Variants in STRA6 observed in about 807,000 individuals in gnomAD.
The protein encoded by STRA6 is receptor for retinol uptake STRA6.
STRA6 carries 48 observed loss-of-function variants against 83.6 expected under a neutral mutation model. The observed-to-expected ratio is 0.57, with a 90% CI of 0.46 to 0.73. The LOEUF (loss-of-function observed/expected upper bound fraction) is 0.73. Ranked by LOEUF, STRA6 falls within the 30% of genes least tolerant of loss-of-function variation. The probability of loss-of-function intolerance (pLI) is 0.00; values close to 1 mark genes in which losing one functional copy is unlikely to be tolerated. For synonymous variants in STRA6, 353 were observed against 362.3 expected (o/e 0.97, Z 0.29); for missense variants, 760 against 838.8 (o/e 0.91, Z 1.16).
intron 5 of STRA6, 51 bp downstream of exon 5, chr15:74,195,957 C>T: frequency 6.2e-7 from 1 of 1,611,412 alleles, no homozygotes; most frequent in Non-Finnish European, 8.5e-7. Context: ...CGAGACCCCA[C>T]CCTACCCCAT....
At chr15:74,202,021 G>T in intron 2 of STRA6, 134 bp downstream of exon 2, 1 of 1,119,262 alleles carries the variant, frequency 8.9e-7, no homozygotes, top group Non-Finnish European at 1.2e-6. Flanking sequence ...ACTTGCCCAA[G>T]GTCACACAGC....
At chr15:74,204,806 A>C (rs2074221837), upstream of STRA6, among the ~76,000 whole-genome samples, 1 of 152,124 alleles carries the variant, frequency 6.6e-6, no homozygotes. Flanking sequence ...GTGGTGGCGC[A>C]CACCTGTAAT....
chr15:74,182,535 C>G, intron 14 of STRA6, 75 bp from the exon 15 acceptor site: 1 of 1,295,858 alleles, frequency 7.7e-7, no homozygotes, highest in Non-Finnish European at 1.1e-6. Flanking sequence ...GCCCCCAGAA[C>G]CAAGGGCTTT....
intron 8 of STRA6, 76 bp from the exon 9 acceptor site, chr15:74,191,567 G>C: frequency 3.9e-6 from 5 of 1,291,490 alleles, no homozygotes; most frequent in Non-Finnish European, 4.5e-6. Flanking sequence ...CAGGGAACTA[G>C]AGTGTTCACC....
At chr15:74,189,371 C>T (rs1183287476) in intron 11 of STRA6, 94 bp from the exon 12 acceptor site, 1 of 1,514,050 alleles carries the variant, frequency 6.6e-7, no homozygotes, top group Admixed American at 2.0e-5. Context: ...GCACACAGGC[C>T]CCAGCCACAT....
chr15:74,207,260 C>T (rs934892973), upstream of STRA6, among the ~76,000 whole-genome samples: 1 of 152,294 alleles, frequency 6.6e-6, no homozygotes. Context: ...CCAGCAGCAT[C>T]CCCAGAACCT....
chr15:74,197,920 A>G, intron 2 of STRA6, 102 bp from the exon 3 acceptor site: 2 of 1,198,328 alleles, frequency 1.7e-6, no homozygotes, highest in Middle Eastern at 1.9e-4. Context: ...TTTACCCACT[A>G]CCTCCCTCAA....
chr15:74,189,016 A>G, intron 12 of STRA6, 99 bp downstream of exon 12: 6 of 1,433,584 alleles, frequency 4.2e-6, no homozygotes, highest in African/African-American at 1.4e-5. Flanking sequence ...AATGTGTCCA[A>G]GGGCCCCCAG....
chr15:74,182,404 C>T lies in STRA6; in HGVS notation c.1357G>A (p.Val453Met). Reference protein sequence around the residue: ...FLGTTALAFLVLMPVLHGRNL... With the variant: ...FLGTTALAFLMLMPVLHGRNL... ...CTGCCATGGAGCACAGGCATGAGCA[C>T]CAGGAAGGCCAGGGCCGTGGTTCCC... The change falls in exon 15 of 19, where the codon GTG becomes ATG. Residue 453 changes from valine (V) to methionine (M), a missense_variant. Coordinates refer to ENST00000395105, the MANE Select transcript of STRA6 (RefSeq NM_022369.4). 1.2e-6 allele frequency: 2 copies of T among 1,613,096 alleles called. No homozygotes were observed. Among genetic ancestry groups the T allele is most frequent in the Non-Finnish European group, 8.5e-7 (1 of 1,179,532 alleles).
rs778430773 is a variant in STRA6, at chr15:74,180,778, G to T, written c.1840+4C>A. Reference sequence around the variant, plus strand: ...ATTCCCCCATTCCCAGTGGGAGGGCGCACCTTCGTCTTCCTCCCCTGGTCT... The same window carrying T: ...ATTCCCCCATTCCCAGTGGGAGGGCTCACCTTCGTCTTCCTCCCCTGGTCT... On this transcript the variant is annotated splice_donor_region_variant and intron_variant, in intron 18 of 18. Coordinates refer to ENST00000395105, the MANE Select transcript of STRA6 (RefSeq NM_022369.4). 3.1e-6 allele frequency: 5 copies of T among 1,602,094 alleles called. No individual in the cohort carries two copies. Among genetic ancestry groups the T allele is most frequent in the South Asian group, 2.2e-5 (2 of 90,672 alleles).
rs2142085165 is a variant in STRA6 at position 74,202,168 on chromosome 15, G to A, written c.100C>T (p.Leu34Phe). Residue 34 changes from leucine to phenylalanine, a missense_variant, in exon 2 of 19, where the codon CTC becomes TTC. Coordinates refer to ENST00000395105, the MANE Select transcript of STRA6 (RefSeq NM_022369.4). ...YIDEPQGGEE[L>F]QPEGEVPSCH... Reference sequence around the variant, plus strand: ...TTCCACACTTACCCCTCTGGCTGGAGCTCCTCGCCCCCCTGGGGCTCATCG... The same window carrying A: ...TTCCACACTTACCCCTCTGGCTGGAACTCCTCGCCCCCCTGGGGCTCATCG... The A allele has an allele frequency of 2.0e-6, 3 of 1,505,598 alleles. No homozygotes were observed. The highest frequency in any genetic ancestry group is 2.3e-5 in the East Asian group (1 of 43,456). The allele number at this position is 1,505,598 out of a possible 1,614,324, so 93.3% of individuals were successfully genotyped here. A position where few individuals can be genotyped will look rare whatever the true frequency, so the allele number is the denominator to read the frequency against.
chr15:74,183,300 C>T, intron 14 of STRA6: 1 of 192,788 alleles, frequency 5.2e-6, no homozygotes, highest in Non-Finnish European at 1.1e-5. Context: ...AGCTGGAGCG[C>T]AGTGGTGCAA....
At chr15:74,200,888 A>T (rs1595862427) in intron 2 of STRA6, among the ~76,000 whole-genome samples, 1 of 152,190 alleles carries the variant, frequency 6.6e-6, no homozygotes, top group Admixed American at 6.5e-5. Flanking sequence ...ATTTACAGGC[A>T]CCTGGCCCCC....
chr15:74,200,679 T>C (rs988022124), intron 2 of STRA6, among the ~76,000 whole-genome samples: 4 of 152,310 alleles, frequency 2.6e-5, no homozygotes, highest in Non-Finnish European at 4.4e-5. Flanking sequence ...GGCAGGGGGA[T>C]GGCAGGCAGC....
intron 7 of STRA6, among the ~76,000 whole-genome samples, chr15:74,194,198 C>T (rs1314196732): frequency 6.6e-6 from 1 of 152,102 alleles, no homozygotes; most frequent in Non-Finnish European, 1.5e-5. Context: ...TTCCCTCCTG[C>T]CCCCCACTGG....
chr15:74,203,705 C>T (rs1047148009), upstream of STRA6, among the ~76,000 whole-genome samples: 8 of 152,208 alleles, frequency 5.3e-5, no homozygotes, highest in Non-Finnish European at 8.8e-5. Flanking sequence ...TCAGCGGGGA[C>T]ACAGCCAGAT....
In STRA6 at chr15:74,191,419, C is replaced by T. The variant is rs1246260812; in HGVS notation, c.788+5G>A. ...GGCCCACAAAGGGTGTGTCAGAGACCCCACCTGCTTCCCAGCTTCTTCCTG... is the reference window on the plus strand; with the variant it reads ...GGCCCACAAAGGGTGTGTCAGAGACTCCACCTGCTTCCCAGCTTCTTCCTG... On this transcript the variant is annotated splice_donor_5th_base_variant and intron_variant, in intron 9 of 18. Transcript: ENST00000395105. 6.2e-7 allele frequency: 1 copy of T among 1,614,074 alleles called. No homozygotes were observed. The highest frequency in any genetic ancestry group is 1.7e-5 in the Admixed American group (1 of 60,022).
At chr15:74,203,295 A>C, upstream of STRA6, 6 of 789,936 alleles carry the variant, frequency 7.6e-6, no homozygotes, top group Non-Finnish European at 9.2e-6. Context: ...AACCAGACCC[A>C]CGGGTAGGCA....
At chr15:74,205,782 A>G (rs1595868432), upstream of STRA6, among the ~76,000 whole-genome samples, 1 of 151,078 alleles carries the variant, frequency 6.6e-6, no homozygotes, top group African/African-American at 2.4e-5. Flanking sequence ...CAACAATACC[A>G]CCTCCCTCCT....
Sources: gnomAD v4.1 joint callset for allele counts (sites outside exome capture counted in the v4.1 genomes callset) on GRCh38, gnomAD v4.1.1 for gene constraint, MANE v1.5 for transcripts, NCBI Gene and HGNC (gene_info 2026-07-23, HGNC 2026-07-21) for gene names.